Variants in SCD5 observed in about 807,000 individuals in gnomAD.
SCD5 encodes acyl-CoA-desaturase 4.
Under a neutral mutation model 30.4 loss-of-function variants are expected in SCD5, and 20 were observed. The observed-to-expected ratio is 0.66, with a 90% CI of 0.46 to 0.96. SCD5 has a LOEUF of 0.96. SCD5 is among the 40% of genes least tolerant of loss of function. The pLI, the probability that SCD5 is intolerant of heterozygous loss-of-function variation, is 0.00. For missense variants in SCD5, 381 were observed against 443.3 expected, an observed-to-expected ratio of 0.86 and a Z score of 1.26; for synonymous variants, 173 against 176.4, an observed-to-expected ratio of 0.98 and a Z score of 0.16.
At chr4:82,721,565 G>A (rs1720370158) in intron 1 of SCD5, among the ~76,000 whole-genome samples, 1 of 152,224 alleles carries the variant, frequency 6.6e-6, no homozygotes, top group African/African-American at 2.4e-5. Context: ...GACTAGTCCA[G>A]TGTGATTGAT....
intron 3 of SCD5, among the ~76,000 whole-genome samples, chr4:82,678,653 G>C (rs1160063624): frequency 6.6e-6 from 1 of 152,162 alleles, no homozygotes; most frequent in African/African-American, 2.4e-5. Context: ...TGCAGCCTTT[G>C]ACAATGGTGT....
At chr4:82,772,748 G>A (rs1251536997) in intron 1 of SCD5, among the ~76,000 whole-genome samples, 1 of 152,176 alleles carries the variant, frequency 6.6e-6, no homozygotes, top group Non-Finnish European at 1.5e-5. Context: ...CTCCCCCGCT[G>A]TGCTCCCCTG....
At chr4:82,768,479 T>A (rs530354384) in intron 1 of SCD5, among the ~76,000 whole-genome samples, 4 of 152,338 alleles carry the variant, frequency 2.6e-5, no homozygotes, top group Admixed American at 2.6e-4. Flanking sequence ...TAAGACCTCA[T>A]CTTTTATTAA....
intron 3 of SCD5, among the ~76,000 whole-genome samples, chr4:82,651,004 C>G (rs1382907870): frequency 2.0e-5 from 3 of 152,066 alleles, no homozygotes; most frequent in Non-Finnish European, 4.4e-5. Flanking sequence ...AAGAATGACA[C>G]TGTGTGGTAT....
intron 2 of SCD5, among the ~76,000 whole-genome samples, chr4:82,688,546 G>A (rs1728761193): frequency 6.6e-6 from 1 of 152,190 alleles, no homozygotes; most frequent in African/African-American, 2.4e-5. Context: ...TACGGGGTCA[G>A]TACTTATTTC....
chr4:82,643,813 C>T (rs1368091048), intron 3 of SCD5, among the ~76,000 whole-genome samples: 1 of 152,186 alleles, frequency 6.6e-6, no homozygotes, highest in East Asian at 1.9e-4. Context: ...TTTCTCTTTC[C>T]TGCAGTGACA....
At chr4:82,699,074 G>A (rs72661282) in intron 2 of SCD5, among the ~76,000 whole-genome samples, 3,477 of 152,186 alleles carry the variant, frequency 0.023, 62 homozygotes, top group South Asian at 0.09. Flanking sequence ...CGCAACCCCC[G>A]GGCCACGGAC....
intron 1 of SCD5, among the ~76,000 whole-genome samples, chr4:82,777,560 C>G (rs1560560750): frequency 6.6e-6 from 1 of 152,204 alleles, no homozygotes; most frequent in Non-Finnish European, 1.5e-5. Flanking sequence ...CACAGGGCCC[C>G]ATCCTTAGGA....
chr4:82,659,073 G>A (rs1000283945), intron 3 of SCD5, among the ~76,000 whole-genome samples: 1 of 152,144 alleles, frequency 6.6e-6, no homozygotes, highest in African/African-American at 2.4e-5. Flanking sequence ...AAGAGTGGAT[G>A]TGTTCAGGAA....
At chr4:82,677,162 T>C (rs1050306491) in intron 3 of SCD5, among the ~76,000 whole-genome samples, 1 of 152,220 alleles carries the variant, frequency 6.6e-6, no homozygotes, top group East Asian at 1.9e-4. Flanking sequence ...CCTGTTTGAG[T>C]AAACTCTCCA....
chr4:82,753,832 G>C (rs888303028), intron 1 of SCD5, among the ~76,000 whole-genome samples: 1 of 152,146 alleles, frequency 6.6e-6, no homozygotes, highest in Non-Finnish European at 1.5e-5. Context: ...GGGATTAAAA[G>C]GCAGACAGGG....
At chr4:82,638,990 A>G (rs1294538178) in intron 3 of SCD5, among the ~76,000 whole-genome samples, 1 of 152,254 alleles carries the variant, frequency 6.6e-6, no homozygotes, top group Non-Finnish European at 1.5e-5. Context: ...CGCAAGACTC[A>G]TAGGTGGTGG....
intron 1 of SCD5, among the ~76,000 whole-genome samples, chr4:82,786,242 T>C (rs1721984766): frequency 6.6e-6 from 1 of 151,816 alleles, no homozygotes; most frequent in South Asian, 2.1e-4. Flanking sequence ...ATTACTTGCT[T>C]AATAAATGCT....
chr4:82,676,137 G>A (rs2148820176), intron 3 of SCD5, among the ~76,000 whole-genome samples: 1 of 152,208 alleles, frequency 6.6e-6, no homozygotes. Context: ...TGGAGATTTA[G>A]TGATCAGTTT....
At chr4:82,758,445 C>A (rs148216975) in intron 1 of SCD5, among the ~76,000 whole-genome samples, 1 of 152,088 alleles carries the variant, frequency 6.6e-6, no homozygotes. Flanking sequence ...AGCCACAGAG[C>A]GAGACTCTGT....
intron 2 of SCD5, among the ~76,000 whole-genome samples, chr4:82,698,421 C>G (rs1324791398): frequency 6.6e-6 from 1 of 152,188 alleles, no homozygotes; most frequent in Non-Finnish European, 1.5e-5. Context: ...GAGACCCAGC[C>G]TTGGGGGATG....
chr4:82,680,165 C>G (rs1560532054), intron 3 of SCD5, among the ~76,000 whole-genome samples: 1 of 152,200 alleles, frequency 6.6e-6, no homozygotes, highest in Non-Finnish European at 1.5e-5. Context: ...CCGACACCAT[C>G]AGGGCATATG....
intron 1 of SCD5, among the ~76,000 whole-genome samples, chr4:82,738,949 G>A (rs7668788): frequency 0.15 from 22,064 of 152,116 alleles, 2,840 homozygotes; most frequent in African/African-American, 0.35. Context: ...AACAGAGGTG[G>A]GGACTGACAC....
chr4:82,795,405 G>A (rs932295602), intron 1 of SCD5, among the ~76,000 whole-genome samples: 16 of 152,194 alleles, frequency 1.1e-4, no homozygotes, highest in African/African-American at 2.9e-4. Flanking sequence ...TGTGGATCAA[G>A]GCACCAGGGC....
Sources: gnomAD v4.1 joint callset for allele counts (sites outside exome capture counted in the v4.1 genomes callset) on GRCh38, gnomAD v4.1.1 for gene constraint, MANE v1.5 for transcripts, NCBI Gene and HGNC (gene_info 2026-07-23, HGNC 2026-07-21) for gene names.